The following CUBN variants were observed in gnomAD, a reference collection of about 807,000 sequenced individuals.
The protein encoded by CUBN is cubilin.
Under a neutral mutation model 405.3 loss-of-function variants are expected in CUBN, and 282 were observed. That is an observed-to-expected ratio of 0.70 (90% CI 0.63 to 0.77). The LOEUF (loss-of-function observed/expected upper bound fraction) is 0.77, where lower values mean the gene tolerates loss of function less well. Ranked by LOEUF, CUBN falls within the 30% of genes least tolerant of loss-of-function variation. CUBN has a pLI of 0.00. For missense variants in CUBN, 4,514 were observed against 4,475.2 expected (o/e 1.01, Z -0.25); for synonymous variants, 1,684 against 1,617.0 (o/e 1.04, Z -0.99).
At chr10:16,842,384 A>C (rs533612398) in intron 60 of CUBN, among the ~76,000 whole-genome samples, 2 of 152,274 alleles carry the variant, frequency 1.3e-5, no homozygotes, top group South Asian at 4.1e-4. Context: ...GAGGCTCTCA[A>C]TAAATATCTA....
chr10:16,977,212 T>C (rs780937780), intron 31 of CUBN, among the ~76,000 whole-genome samples: 1 of 152,138 alleles, frequency 6.6e-6, no homozygotes, highest in African/African-American at 2.4e-5. Context: ...GGCCCCACTC[T>C]CAAGCCTGGA....
At chr10:17,125,216 T>TTATATATA (rs958014314) in intron 4 of CUBN, among the ~76,000 whole-genome samples, 75 of 152,256 alleles carry the variant, frequency 4.9e-4, no homozygotes, top group African/African-American at 1.7e-3. Context: ...TACATATATA[T>TTATATATA]TATATATGTG....
chr10:16,864,948 C>CCTACCTGAACA, intron 59 of CUBN, among the ~76,000 whole-genome samples: 1 of 50,052 alleles, frequency 2.0e-5, no homozygotes, highest in South Asian at 8.9e-4. Flanking sequence ...CCATGCCCAG[C>CCTACCTGAACA]TTTTTTTTTT....
At position 17,084,349 on chromosome 10, in the gene CUBN, G is replaced by A. The variant is rs545230179; in HGVS notation, c.2223C>T (p.Pro741=). The stretch of plus-strand genomic sequence containing the variant: ...AGTTGATTTGTATTTGTTCTCCCTG[G>A]GGCTGCTTCATCATATAGACGCATT... ...TRQCVYMMKQ[P]QGEQIQINFT... is the part of the protein sequence containing the mutation. The change falls in exon 17 of 67, where the codon CCC becomes CCT. Residue 741 remains proline (P), a synonymous_variant. Transcript: ENST00000377833. 17 of 1,614,096 alleles carry A rather than the reference G, an allele frequency of 1.1e-5. No homozygotes were observed. Among genetic ancestry groups the A allele is most frequent in the Non-Finnish European group, 1.4e-5 (16 of 1,180,020 alleles).
intron 26 of CUBN, among the ~76,000 whole-genome samples, chr10:17,042,255 T>C (rs1835036714): frequency 6.6e-6 from 1 of 152,204 alleles, no homozygotes; most frequent in Non-Finnish European, 1.5e-5. Flanking sequence ...TTTTAAAGAA[T>C]AATCTTATTG....
intron 27 of CUBN, among the ~76,000 whole-genome samples, chr10:17,035,949 C>T (rs2131809271): frequency 6.6e-6 from 1 of 151,918 alleles, no homozygotes; most frequent in South Asian, 2.1e-4. Context: ...AGTTTACCTA[C>T]ATAATAAATA....
At chr10:16,956,485 T>C (rs1205430468) in intron 31 of CUBN, among the ~76,000 whole-genome samples, 1 of 151,996 alleles carries the variant, frequency 6.6e-6, no homozygotes, top group Non-Finnish European at 1.5e-5. Flanking sequence ...CTGTAAACAG[T>C]AGACAAAATG....
chr10:16,993,725 G>A (rs1406292911), intron 28 of CUBN, among the ~76,000 whole-genome samples: 2 of 149,208 alleles, frequency 1.3e-5, no homozygotes, highest in African/African-American at 5.0e-5. Context: ...GGCTTGTCTC[G>A]AACTCCTGAC....
At chr10:16,911,177 T>C (rs1448185707) in intron 48 of CUBN, among the ~76,000 whole-genome samples, 3 of 152,188 alleles carry the variant, frequency 2.0e-5, no homozygotes, top group Non-Finnish European at 4.4e-5. Context: ...TGGTGATCAA[T>C]GCATAAAACC....
intron 31 of CUBN, among the ~76,000 whole-genome samples, chr10:16,973,237 C>G (rs983161866): frequency 2.6e-5 from 4 of 152,136 alleles, no homozygotes; most frequent in Non-Finnish European, 5.9e-5. Context: ...AGCCTCCCCT[C>G]GTGGCCTCAC....
intron 31 of CUBN, among the ~76,000 whole-genome samples, chr10:16,966,638 AG>A (rs1445181380): frequency 6.6e-6 from 1 of 152,078 alleles, no homozygotes; most frequent in Non-Finnish European, 1.5e-5. Flanking sequence ...TAGTAGAGAC[AG>A]GGTCTCACCA....
intron 31 of CUBN, among the ~76,000 whole-genome samples, chr10:16,973,088 T>G (rs1054120738): frequency 1.3e-5 from 2 of 152,190 alleles, no homozygotes; most frequent in African/African-American, 4.8e-5. Context: ...AATTCTTAAC[T>G]GGAGCAGAAG....
At position 16,835,123 on chromosome 10, in the gene CUBN, T is replaced by A. The variant is rs1452191519; in HGVS notation, c.10253A>T (p.Asp3418Val). Residue 3418 changes from aspartate (D) to valine (V), a missense_variant, in exon 64 of 67, where the codon GAC becomes GTC. Physicochemically the swap from Asp to Val is radical, Grantham distance 152 (BLOSUM62 -3). Transcript: ENST00000377833. Reference sequence around the variant, plus strand: ...TGTGAGAGTAACGGTGCAATCCTTGTCATTGTCGTAGTTATCTGGCCATCC... The same window carrying A: ...TGTGAGAGTAACGGTGCAATCCTTGACATTGTCGTAGTTATCTGGCCATCC... ...SPGWPDNYDN[D>V]KDCTVTLTAP... is the part of the protein sequence containing the mutation. 9 of 1,614,044 alleles carry A rather than the reference T, an allele frequency of 5.6e-6. No individual in the cohort carries two copies. In the East Asian group the frequency reaches 2.0e-4, roughly 36 times the overall value.
At chr10:16,939,886 T>C (rs992638549) in intron 37 of CUBN, 146 bp downstream of exon 37, 12 of 782,776 alleles carry the variant, frequency 1.5e-5, no homozygotes, top group African/African-American at 3.5e-5. Context: ...GTTTTTCTAA[T>C]ATGTTATAAG....
chr10:16,944,076 T>C (rs1435085544), intron 36 of CUBN, among the ~76,000 whole-genome samples: 2 of 152,210 alleles, frequency 1.3e-5, no homozygotes, highest in African/African-American at 2.4e-5. Context: ...TCATTCTGAT[T>C]CTTGAACTGA....
intron 48 of CUBN, among the ~76,000 whole-genome samples, chr10:16,910,898 G>T (rs1019710298): frequency 2.6e-5 from 4 of 151,986 alleles, no homozygotes; most frequent in Non-Finnish European, 5.9e-5. Context: ...TTGGGGAGCC[G>T]CAAGAGGGTA....
At chr10:17,123,166 G>A (rs112666332) in intron 5 of CUBN, among the ~76,000 whole-genome samples, 11 of 152,158 alleles carry the variant, frequency 7.2e-5, no homozygotes, top group Non-Finnish European at 1.3e-4. Context: ...GTTCACAGTG[G>A]TGCTACATCT....
chr10:16,982,609 G>A lies in CUBN; in HGVS notation c.4570C>T (p.Pro1524Ser), dbSNP rs775165958. Residue 1524 changes from proline (P) to serine (S), a missense_variant, in exon 31 of 67, where the codon CCA becomes TCA. Pro to Ser is a moderately conservative substitution (Grantham distance 74). This residue lies in a region of CUBN where 1,613 missense variants were observed against 1,542.8 expected (regional missense o/e 1.05). Coordinates refer to ENST00000377833, the MANE Select transcript of CUBN (RefSeq NM_001081.4). Reference protein sequence around the residue: ...FQAPSGEIHSPNYPSPYRSNT... With the variant: ...FQAPSGEIHSSNYPSPYRSNT... ...CTCCTATAAGGACTGGGGTAATTTG[G>A]AGAATGAATCTCTCCACTGGGAGCC... 6.2e-7 allele frequency: 1 copy of A among 1,613,614 alleles called. No homozygotes were observed. Among genetic ancestry groups the A allele is most frequent in the Admixed American group, 1.7e-5 (1 of 60,036 alleles).
chr10:17,021,559 T>C (rs901346886), intron 27 of CUBN, among the ~76,000 whole-genome samples: 2 of 152,232 alleles, frequency 1.3e-5, no homozygotes, highest in Non-Finnish European at 2.9e-5. Flanking sequence ...TAAGAGTATG[T>C]GTGAGTGTCT....
Sources: gnomAD v4.1 joint callset for allele counts (sites outside exome capture counted in the v4.1 genomes callset) on GRCh38, gnomAD v4.1.1 for gene constraint, gnomAD v4.1.1 regional missense constraint, MANE v1.5 for transcripts, NCBI Gene and HGNC (gene_info 2026-07-23, HGNC 2026-07-21) for gene names.